The following PRKAR2B variants were observed in gnomAD, a reference collection of about 807,000 sequenced individuals.
PRKAR2B encodes the protein protein kinase cAMP-dependent type II regulatory subunit beta, also known as cAMP-dependent protein kinase type II-beta regulatory subunit.
PRKAR2B carries 14 observed loss-of-function variants against 49.9 expected under a neutral mutation model. The observed-to-expected ratio is 0.28, with a 90% CI of 0.19 to 0.44. The LOEUF is 0.44. PRKAR2B is among the 20% of genes least tolerant of loss of function. The pLI is 1.00. For synonymous variants in PRKAR2B, 196 were observed against 197.7 expected (o/e 0.99, Z 0.07); for missense variants, 393 against 537.9 (o/e 0.73, Z 2.67).
intron 2 of PRKAR2B, among the ~76,000 whole-genome samples, chr7:107,099,634 GAAATCTTT>G (rs1391628730): frequency 6.9e-6 from 1 of 143,914 alleles, no homozygotes; most frequent in African/African-American, 2.5e-5. Flanking sequence ...TCTTGCATGA[GAAATCTTT>G]TTTTTTTTTT....
chr7:107,120,038 T>G (rs1407983758), intron 2 of PRKAR2B, among the ~76,000 whole-genome samples: 1 of 152,184 alleles, frequency 6.6e-6, no homozygotes, highest in Non-Finnish European at 1.5e-5. Flanking sequence ...TACTAGGATG[T>G]ATGTATGATC....
intron 5 of PRKAR2B, among the ~76,000 whole-genome samples, chr7:107,144,025 G>T (rs531351144): frequency 2.0e-5 from 3 of 151,864 alleles, no homozygotes; most frequent in Admixed American, 6.6e-5. Context: ...CATTCTATCC[G>T]TGAATGACAT....
chr7:107,060,037 T>A (rs1017029436), intron 1 of PRKAR2B, among the ~76,000 whole-genome samples: 9 of 129,908 alleles, frequency 6.9e-5, no homozygotes, highest in African/African-American at 2.9e-4. Flanking sequence ...TTTTACTAAG[T>A]TTTGTTTGTT....
intron 10 of PRKAR2B, 33 bp downstream of exon 10, chr7:107,157,357 G>A (rs763739477): frequency 1.9e-5 from 31 of 1,590,508 alleles, no homozygotes; most frequent in Non-Finnish European, 2.5e-5. Flanking sequence ...TGCTTCTGCT[G>A]GTTGAACTTA....
chr7:107,044,802 G>T lies in PRKAR2B; in HGVS notation c.-106G>T. 1.1e-6 allele frequency: 1 copy of T among 889,448 alleles called. No homozygotes were observed. Among genetic ancestry groups the T allele is most frequent in the Non-Finnish European group, 1.4e-6 (1 of 692,260 alleles). 55.1% of individuals were successfully genotyped at this position (889,448 alleles called of 1,614,324 possible). A position where few individuals can be genotyped will look rare whatever the true frequency, so the allele number is the denominator to read the frequency against. On this transcript the variant is annotated 5_prime_UTR_variant, in exon 1 of 11. Transcript: ENST00000265717. ...GCCCAGTGCGCCGCGCTCGCAGCCG[G>T]TAGCGCGCCAGCGCCGTAGGCGCTC...
intron 4 of PRKAR2B, among the ~76,000 whole-genome samples, chr7:107,138,665 A>G (rs942412997): frequency 6.2e-5 from 9 of 145,526 alleles, no homozygotes; most frequent in African/African-American, 2.3e-4. Context: ...CTCCAATCTC[A>G]GCCTCTCCTG....
At chr7:107,132,984 C>A (rs9656136) in intron 4 of PRKAR2B, among the ~76,000 whole-genome samples, 4,703 of 152,182 alleles carry the variant, frequency 0.031, 173 homozygotes, top group East Asian at 0.13. Flanking sequence ...TTGAGGCTAA[C>A]TGAAATAATT....
intron 2 of PRKAR2B, among the ~76,000 whole-genome samples, chr7:107,074,094 G>T (rs774507557): frequency 6.6e-6 from 1 of 151,922 alleles, no homozygotes; most frequent in Admixed American, 6.6e-5. Context: ...AAGTAACAGA[G>T]AAATCATTAT....
At chr7:107,049,933 A>G (rs2116745344) in intron 1 of PRKAR2B, among the ~76,000 whole-genome samples, 1 of 152,254 alleles carries the variant, frequency 6.6e-6, no homozygotes, top group South Asian at 2.1e-4. Flanking sequence ...TGAGCATAAA[A>G]CAATAGTGTC....
At chr7:107,105,388 G>A (rs1010399898) in intron 2 of PRKAR2B, among the ~76,000 whole-genome samples, 9 of 152,200 alleles carry the variant, frequency 5.9e-5, no homozygotes, top group Admixed American at 4.6e-4. Context: ...AGGACACTTA[G>A]GCATAAGCAA....
At position 107,161,438 on chromosome 7, in the gene PRKAR2B, A is replaced by C. The variant is rs1208012187; in HGVS notation, c.*1856A>C. On this transcript the variant is annotated 3_prime_UTR_variant, in exon 11 of 11. Transcript: ENST00000265717. The stretch of plus-strand genomic sequence containing the variant: ...GACCAAGGCTATAAATGCCACGTAC[A>C]TTATTTTCAGTATTGTTGGTTATAT... 3.3e-5 allele frequency: 5 copies of C among 152,636 alleles called. No individual in the cohort carries two copies. Among genetic ancestry groups the C allele is most frequent in the Non-Finnish European group, 7.3e-5 (5 of 68,028 alleles). 9.5% of individuals were successfully genotyped at this position (152,636 alleles called of 1,614,324 possible).
chr7:107,071,774 ACGTAT>A (rs1231921489), intron 2 of PRKAR2B, among the ~76,000 whole-genome samples: 1 of 152,220 alleles, frequency 6.6e-6, no homozygotes, highest in African/African-American at 2.4e-5. Flanking sequence ...TGTACATTAT[ACGTAT>A]CATTGGCTGG....
At chr7:107,113,168 A>T (rs2116826147) in intron 2 of PRKAR2B, among the ~76,000 whole-genome samples, 1 of 152,346 alleles carries the variant, frequency 6.6e-6, no homozygotes, top group East Asian at 1.9e-4. Flanking sequence ...CAGAAGCTTT[A>T]AGTAACTTTA....
intron 2 of PRKAR2B, among the ~76,000 whole-genome samples, chr7:107,073,858 C>T (rs938040847): frequency 2.6e-5 from 4 of 151,798 alleles, no homozygotes; most frequent in Non-Finnish European, 5.9e-5. Flanking sequence ...GTCAGGAGTT[C>T]GAGACCAGCC....
Position 107,160,344 on chromosome 7 carries a change from G to T in PRKAR2B, c.*762G>T, listed in dbSNP as rs1035891200. The T allele has an allele frequency of 1.3e-5, 2 of 151,958 alleles. No homozygotes were observed. The highest frequency in any genetic ancestry group is 2.9e-5 in the Non-Finnish European group (2 of 67,966). The allele number at this position is 151,958 out of a possible 1,614,324, so 9.4% of individuals were successfully genotyped here. A position where few individuals can be genotyped will look rare whatever the true frequency, so the allele number is the denominator to read the frequency against. ...TATTTTGCAATTCTCTGTATTCTAT[G>T]TCTTTAAAAATTTGATCTTGACATT... is the stretch of plus-strand genomic sequence containing the variant. On this transcript the variant is annotated 3_prime_UTR_variant, in exon 11 of 11. Coordinates refer to ENST00000265717, the MANE Select transcript of PRKAR2B (RefSeq NM_002736.3).
intron 5 of PRKAR2B, 64 bp downstream of exon 5, chr7:107,141,017 A>G (rs1030940199): frequency 1.7e-6 from 2 of 1,198,784 alleles, no homozygotes; most frequent in African/African-American, 1.5e-5. Context: ...CTCAACCATT[A>G]TTACGGCAAC....
chr7:107,097,495 T>A (rs530849726), intron 2 of PRKAR2B, among the ~76,000 whole-genome samples: 1 of 152,336 alleles, frequency 6.6e-6, no homozygotes, highest in Non-Finnish European at 1.5e-5. Context: ...ATTGGAGCAT[T>A]TAGCCCATTT....
intron 8 of PRKAR2B, among the ~76,000 whole-genome samples, chr7:107,154,436 T>C (rs1454563307): frequency 6.6e-6 from 1 of 152,220 alleles, no homozygotes; most frequent in African/African-American, 2.4e-5. Context: ...ACTCAGCAGT[T>C]AATAGACCTA....
intron 2 of PRKAR2B, among the ~76,000 whole-genome samples, chr7:107,099,069 C>T (rs1729418560): frequency 6.6e-6 from 1 of 152,202 alleles, no homozygotes; most frequent in East Asian, 1.9e-4. Flanking sequence ...TTTAAGTCTG[C>T]AGAAGTTTTT....
Sources: allele counts gnomAD v4.1 joint callset (sites outside exome capture counted in the v4.1 genomes callset), GRCh38; gene constraint gnomAD v4.1.1; transcripts MANE v1.5; gene names NCBI Gene and HGNC (gene_info 2026-07-23, HGNC 2026-07-21).